MED12L: variants seen among roughly 807,000 people sequenced by gnomAD.
The protein encoded by MED12L is mediator of RNA polymerase II transcription subunit 12-like protein.
MED12L carries 60 observed loss-of-function variants against 281.3 expected under a neutral mutation model. The ratio of observed to expected loss-of-function variants is 0.21; its 90% CI spans 0.17 to 0.26. The LOEUF is 0.26. MED12L is among the 10% of genes least tolerant of loss of function. The pLI is 1.00. For synonymous variants in MED12L, 974 were observed against 987.2 expected, an observed-to-expected ratio of 0.99 and a Z score of 0.25; for missense variants, 2,146 against 2,680.9, an observed-to-expected ratio of 0.80 and a Z score of 4.41.
intron 19 of MED12L, 113 bp downstream of exon 19, chr3:151,356,152 C>A: frequency 2.8e-6 from 3 of 1,083,344 alleles, no homozygotes; most frequent in Non-Finnish European, 3.9e-6. Flanking sequence ...GTAATCCTGG[C>A]ACTTTGGGAG....
At chr3:151,403,751 G>A (rs182704121) in intron 39 of MED12L, among the ~76,000 whole-genome samples, 1 of 152,280 alleles carries the variant, frequency 6.6e-6, no homozygotes, top group East Asian at 1.9e-4. Context: ...TTGTTTCACT[G>A]CCATTTTAAT....
rs1347665496 is a variant in MED12L at position 151,376,053 on chromosome 3, G to T, written c.3892G>T (p.Glu1298Ter). The change falls in exon 28 of 45, where the codon GAA becomes TAA. Residue 1298 changes from glutamate (E) to a stop codon, truncating the protein, a stop_gained. Coordinates refer to ENST00000687756, the MANE Select transcript of MED12L (RefSeq NM_001393769.1). LOFTEE classifies it high-confidence loss of function. ...QEWVGEHCLK[E>*]PERLCTDKEL... ...ATGGGTAGGAGAGCATTGCTTAAAA[G>T]AACCTGAAAGATTATGTACAGACAA... 6.3e-7 allele frequency: 1 copy of T among 1,593,160 alleles called. No homozygotes were observed. The highest frequency in any genetic ancestry group is 8.5e-7 in the Non-Finnish European group (1 of 1,172,226).
chr3:151,232,918 A>G (rs934696214), intron 16 of MED12L, among the ~76,000 whole-genome samples: 3 of 152,208 alleles, frequency 2.0e-5, no homozygotes, highest in Non-Finnish European at 2.9e-5. Context: ...TACCCTTGAA[A>G]CTAAATTTTT....
rs940672906 is a variant in MED12L at position 151,259,062 on chromosome 3, G to A, written c.2250+65396G>A. ...AATAAATCAAATTTAATTTTTAAACGCATTTGGGAAATGACATACTTTAAA... is the reference window on the plus strand; with the variant it reads ...AATAAATCAAATTTAATTTTTAAACACATTTGGGAAATGACATACTTTAAA... On this transcript the variant is annotated intron_variant, in intron 16 of 44. Coordinates refer to ENST00000687756, the MANE Select transcript of MED12L (RefSeq NM_001393769.1). Among the ~76,000 whole-genome samples, 6 of 152,090 alleles carry A rather than the reference G, an allele frequency of 3.9e-5. No individual in the cohort carries two copies. In the East Asian group the frequency reaches 9.6e-4, roughly 24 times the overall value.
intron 16 of MED12L, among the ~76,000 whole-genome samples, chr3:151,257,898 A>G (rs1738128749): frequency 6.6e-6 from 1 of 152,194 alleles, no homozygotes; most frequent in Non-Finnish European, 1.5e-5. Flanking sequence ...CAGCCTTTGA[A>G]TGGCAATTAA....
chr3:151,298,341 TTGA>T (rs1745379637), intron 16 of MED12L, among the ~76,000 whole-genome samples: 5 of 152,240 alleles, frequency 3.3e-5, no homozygotes, highest in Non-Finnish European at 7.3e-5. Context: ...ACATCTTTAA[TTGA>T]CAGTAGCTTG....
At chr3:151,306,408 T>G (rs1209194488) in intron 16 of MED12L, among the ~76,000 whole-genome samples, 5 of 152,200 alleles carry the variant, frequency 3.3e-5, no homozygotes, top group Admixed American at 6.5e-5. Context: ...CCCTACTGAT[T>G]GTGTTATAAA....
chr3:151,249,685 T>C (rs1736458049), intron 16 of MED12L, among the ~76,000 whole-genome samples: 1 of 152,306 alleles, frequency 6.6e-6, no homozygotes, highest in South Asian at 2.1e-4. Flanking sequence ...GGGTCTCCAA[T>C]CATTCTTCGT....
At chr3:151,122,615 G>A (rs959632604) in intron 3 of MED12L, among the ~76,000 whole-genome samples, 168 bp from the exon 4 acceptor site, 1 of 152,204 alleles carries the variant, frequency 6.6e-6, no homozygotes, top group Non-Finnish European at 1.5e-5. Context: ...ATCAGAGTTA[G>A]TGTAAGGAAA....
At chr3:151,134,699 A>G (rs1482738797) in intron 5 of MED12L, among the ~76,000 whole-genome samples, 2 of 152,198 alleles carry the variant, frequency 1.3e-5, no homozygotes, top group African/African-American at 4.8e-5. Context: ...CTTTTGCAAG[A>G]AGAGACGCTT....
At chr3:151,117,569 T>C (rs1713021918) in intron 3 of MED12L, among the ~76,000 whole-genome samples, 1 of 152,182 alleles carries the variant, frequency 6.6e-6, no homozygotes, top group East Asian at 1.9e-4. Context: ...TGGCTCTTAA[T>C]AATATCAATA....
At chr3:151,125,021 A>G (rs1714302710) in intron 4 of MED12L, among the ~76,000 whole-genome samples, 1 of 152,254 alleles carries the variant, frequency 6.6e-6, no homozygotes, top group Non-Finnish European at 1.5e-5. Flanking sequence ...AAGCCAGCAC[A>G]TGCTAGGTGT....
intron 2 of MED12L, among the ~76,000 whole-genome samples, chr3:151,100,813 T>G (rs1205729246): frequency 6.6e-6 from 1 of 152,210 alleles, no homozygotes; most frequent in African/African-American, 2.4e-5. Flanking sequence ...GTTTTTGAAA[T>G]TATATTTTCG....
intron 16 of MED12L, among the ~76,000 whole-genome samples, chr3:151,257,604 A>G (rs1055691708): frequency 2.0e-5 from 3 of 152,258 alleles, no homozygotes; most frequent in African/African-American, 7.2e-5. Flanking sequence ...AGAAAAATAA[A>G]TATTGTCTGT....
rs946778723 is a variant in MED12L, at chr3:151,115,526, T to C, written c.100-812T>C. ...ACCACGCCCAGCTAATTTTTGTTTT[T>C]AGTAGAGATGGGGTCTCCCCATTTT... On this transcript the variant is annotated intron_variant, in intron 2 of 44. Coordinates refer to ENST00000687756, the MANE Select transcript of MED12L (RefSeq NM_001393769.1). Among the ~76,000 whole-genome samples the C allele has an allele frequency of 2.0e-5, 3 of 151,522 alleles. No individual in the cohort carries two copies. The East Asian group carries it at 5.9e-4, about 30-fold the overall frequency.
intron 20 of MED12L, among the ~76,000 whole-genome samples, chr3:151,359,020 G>C (rs1331681168): frequency 6.6e-6 from 1 of 152,112 alleles, no homozygotes; most frequent in Non-Finnish European, 1.5e-5. Context: ...GGTTATGATT[G>C]AAACCATCAG....
At chr3:151,358,960 A>C (rs895845471) in intron 20 of MED12L, among the ~76,000 whole-genome samples, 2 of 152,128 alleles carry the variant, frequency 1.3e-5, no homozygotes, top group African/African-American at 4.8e-5. Context: ...TTTAGAACAG[A>C]TTTATTACAG....
intron 11 of MED12L, among the ~76,000 whole-genome samples, chr3:151,176,080 G>A (rs983327406): frequency 2.0e-5 from 3 of 152,158 alleles, no homozygotes; most frequent in African/African-American, 4.8e-5. Context: ...TCAGCCCACA[G>A]TGTGGACCCC....
rs184080515 is a variant in MED12L at position 151,212,119 on chromosome 3, G to A, written c.2250+18453G>A. ...GTTGATTATTAAGAAAAAATAGACA[G>A]TATTAAAACATTTCTTTATTAGTAT... On this transcript the variant is annotated intron_variant, in intron 16 of 44. Transcript: ENST00000687756. 1.3e-4 allele frequency: 20 copies of A among 152,266 alleles called. 1 individual carries two copies. The highest frequency in any genetic ancestry group is 1.2e-3 in the Admixed American group (18 of 15,304). The allele number at this position is 152,266 out of a possible 1,614,324, so 9.4% of individuals were successfully genotyped here. A position where few individuals can be genotyped will look rare whatever the true frequency, so the allele number is the denominator to read the frequency against.
Sources: gnomAD v4.1 joint callset for allele counts (sites outside exome capture counted in the v4.1 genomes callset) on GRCh38, gnomAD v4.1.1 for gene constraint, MANE v1.5 for transcripts, NCBI Gene and HGNC (gene_info 2026-07-23, HGNC 2026-07-21) for gene names.